The following KCTD16 variants were observed in gnomAD, a reference collection of about 807,000 sequenced individuals.
KCTD16 encodes the protein BTB/POZ domain-containing protein KCTD16.
KCTD16 carries 13 observed loss-of-function variants against 33.2 expected under a neutral mutation model. The ratio of observed to expected loss-of-function variants is 0.39; its 90% CI spans 0.25 to 0.62. The LOEUF (loss-of-function observed/expected upper bound fraction) is 0.62. Among genes scored for constraint, KCTD16 ranks in the 20% least tolerant of loss-of-function variants. KCTD16 has a pLI of 0.50. For missense variants in KCTD16, 441 were observed against 525.1 expected (o/e 0.84, Z 1.57); for synonymous variants, 197 against 195.3 (o/e 1.01, Z -0.07).
intron 2 of KCTD16, among the ~76,000 whole-genome samples, chr5:144,187,625 C>T (rs1224767532): frequency 2.0e-5 from 3 of 152,150 alleles, no homozygotes; most frequent in Non-Finnish European, 4.4e-5. Flanking sequence ...TGACTTGAGG[C>T]TGGCAGTAGG....
At chr5:144,270,927 G>C (rs1261514909) in intron 3 of KCTD16, among the ~76,000 whole-genome samples, 1 of 151,714 alleles carries the variant, frequency 6.6e-6, no homozygotes, top group East Asian at 1.9e-4. Flanking sequence ...TAGATAAAAA[G>C]AACAAATTTG....
intron 2 of KCTD16, among the ~76,000 whole-genome samples, chr5:144,198,587 A>G (rs1328079737): frequency 6.6e-6 from 1 of 152,190 alleles, no homozygotes; most frequent in African/African-American, 2.4e-5. Flanking sequence ...GTTTGGATTT[A>G]TTTGTGAAAA....
chr5:144,186,590 G>A (rs1752731851), intron 2 of KCTD16, among the ~76,000 whole-genome samples: 1 of 152,094 alleles, frequency 6.6e-6, no homozygotes, highest in African/African-American at 2.4e-5. Flanking sequence ...GAAAGCAGAA[G>A]GACTTTAAAA....
chr5:144,219,394 A>G (rs1753664538), intron 3 of KCTD16, among the ~76,000 whole-genome samples: 1 of 148,848 alleles, frequency 6.7e-6, no homozygotes, highest in Non-Finnish European at 1.5e-5. Context: ...TTGTATTTTT[A>G]GTAGAGACAG....
Position 144,260,700 on chromosome 5 carries a change from A to G in KCTD16, c.832+53154A>G, listed in dbSNP as rs531251343. Among the ~76,000 whole-genome samples, 41 of 152,316 alleles carry G rather than the reference A, an allele frequency of 2.7e-4. No homozygotes were observed. The East Asian group carries it at 4.2e-3, about 16-fold the overall frequency. ...GTCATTTGGGCAGAATCGCAAGTGTATAATTGGTGTAGCATGTCGAAAAAG... is the reference window on the plus strand; with the variant it reads ...GTCATTTGGGCAGAATCGCAAGTGTGTAATTGGTGTAGCATGTCGAAAAAG... On this transcript the variant is annotated intron_variant, in intron 3 of 3. Coordinates refer to ENST00000512467, the MANE Select transcript of KCTD16 (RefSeq NM_020768.4).
At chr5:144,173,893 C>A (rs1039495872) in intron 1 of KCTD16, among the ~76,000 whole-genome samples, 1 of 136,792 alleles carries the variant, frequency 7.3e-6, no homozygotes, top group East Asian at 2.2e-4. Context: ...GTAGGAATTT[C>A]TTTTTGGATT....
Position 144,244,624 on chromosome 5 carries a change from C to T in KCTD16, c.832+37078C>T, listed in dbSNP as rs986019072. Among the ~76,000 whole-genome samples the T allele has an allele frequency of 2.0e-5, 3 of 152,274 alleles. No individual in the cohort carries two copies. In the East Asian group the frequency reaches 5.8e-4, roughly 29 times the overall value. ...TATCTCCATATTAACAAAATAACCT[C>T]TTTAACACATTAAACCTGTGTTTTT... On this transcript the variant is annotated intron_variant, in intron 3 of 3. Coordinates refer to ENST00000512467, the MANE Select transcript of KCTD16 (RefSeq NM_020768.4).
chr5:144,395,233 A>G (rs963617420), intron 3 of KCTD16, among the ~76,000 whole-genome samples: 4 of 152,248 alleles, frequency 2.6e-5, no homozygotes, highest in South Asian at 2.1e-4. Flanking sequence ...AATTGGGTTA[A>G]TAACCCAGAT....
rs1162723757 is a variant in KCTD16, at chr5:144,478,010, G to A, written c.*3896G>A. 6.6e-6 allele frequency: 1 copy of A among 152,048 alleles called. No individual in the cohort carries two copies. The highest frequency in any genetic ancestry group is 2.4e-5 in the African/African-American group (1 of 41,428). 9.4% of individuals were successfully genotyped at this position (152,048 alleles called of 1,614,324 possible). On this transcript the variant is annotated 3_prime_UTR_variant, in exon 4 of 4. Coordinates refer to ENST00000512467, the MANE Select transcript of KCTD16 (RefSeq NM_020768.4). ...TATGGTGACTCTGTGGCAGATAAAT[G>A]TTTTTGCCAATTTGCATGCTGGTTT...
intron 3 of KCTD16, among the ~76,000 whole-genome samples, chr5:144,272,320 C>T (rs1358607600): frequency 2.0e-5 from 3 of 152,056 alleles, no homozygotes; most frequent in African/African-American, 7.2e-5. Flanking sequence ...ATTTCAGCTA[C>T]TCAGGAGGCC....
At chr5:144,200,499 T>A (rs1357723278) in intron 2 of KCTD16, among the ~76,000 whole-genome samples, 3 of 152,250 alleles carry the variant, frequency 2.0e-5, no homozygotes, top group African/African-American at 7.2e-5. Context: ...TTCATCTGTT[T>A]CTTACATAGC....
chr5:144,222,336 G>A (rs1281258836), intron 3 of KCTD16, among the ~76,000 whole-genome samples: 1 of 152,024 alleles, frequency 6.6e-6, no homozygotes, highest in African/African-American at 2.4e-5. Context: ...TAAGACTAGC[G>A]ATTAAAGAAA....
intron 3 of KCTD16, among the ~76,000 whole-genome samples, chr5:144,275,985 A>G (rs1167806336): frequency 6.6e-6 from 1 of 152,190 alleles, no homozygotes; most frequent in African/African-American, 2.4e-5. Flanking sequence ...GACTTTTCAA[A>G]GTGGCCCCAG....
intron 2 of KCTD16, among the ~76,000 whole-genome samples, chr5:144,186,384 G>T (rs949050604): frequency 6.9e-6 from 1 of 145,350 alleles, no homozygotes; most frequent in Admixed American, 6.8e-5. Flanking sequence ...AAAACTAATG[G>T]CTTATTGTCC....
chr5:144,249,737 C>T (rs988660126), intron 3 of KCTD16, among the ~76,000 whole-genome samples: 3 of 152,024 alleles, frequency 2.0e-5, no homozygotes, highest in Non-Finnish European at 4.4e-5. Flanking sequence ...TCAGGCTATC[C>T]GTATTTTATA....
At chr5:144,208,704 C>T (rs542565425) in intron 3 of KCTD16, among the ~76,000 whole-genome samples, 5 of 152,192 alleles carry the variant, frequency 3.3e-5, no homozygotes, top group Middle Eastern at 3.4e-3. Context: ...GCAATGGTGC[C>T]GGGAACCTTG....
chr5:144,243,836 T>C (rs2126824087), intron 3 of KCTD16, among the ~76,000 whole-genome samples: 1 of 152,166 alleles, frequency 6.6e-6, no homozygotes, highest in Admixed American at 6.5e-5. Context: ...CTCCGCCTCC[T>C]GGGTTCAAGT....
chr5:144,190,473 A>G (rs1019950200), intron 2 of KCTD16, among the ~76,000 whole-genome samples: 1 of 152,260 alleles, frequency 6.6e-6, no homozygotes, highest in Admixed American at 6.5e-5. Flanking sequence ...TGAAGAATAA[A>G]TGAAATAATG....
intron 3 of KCTD16, among the ~76,000 whole-genome samples, chr5:144,212,604 C>T (rs1753431645): frequency 6.6e-6 from 1 of 152,184 alleles, no homozygotes; most frequent in Admixed American, 6.5e-5. Flanking sequence ...CACCTCCAAA[C>T]ACAAAACACG....
Sources: gnomAD v4.1 joint callset for allele counts (sites outside exome capture counted in the v4.1 genomes callset) on GRCh38, gnomAD v4.1.1 for gene constraint, MANE v1.5 for transcripts, NCBI Gene and HGNC (gene_info 2026-07-23, HGNC 2026-07-21) for gene names.